The following CRISP1 variants were observed in gnomAD, a reference collection of about 807,000 sequenced individuals.
The protein encoded by CRISP1 is cysteine rich secretory protein 1.
CRISP1 carries 44 observed loss-of-function variants against 33.1 expected under a neutral mutation model. That is an observed-to-expected ratio of 1.33 (90% CI 1.05 to 1.71). The LOEUF (loss-of-function observed/expected upper bound fraction) is 1.71. CRISP1 is among the 40% of genes most tolerant of loss of function. CRISP1 has a pLI of 0.00. For synonymous variants in CRISP1, 103 were observed against 98.7 expected (o/e 1.04, Z -0.26); for missense variants, 390 against 301.2 (o/e 1.29, Z -2.18).
At chr6:49,876,356 A>C (rs1434367367) in intron 1 of CRISP1, among the ~76,000 whole-genome samples, 4 of 152,198 alleles carry the variant, frequency 2.6e-5, no homozygotes, top group Admixed American at 6.6e-5. Context: ...CACTCCAGTC[A>C]GAATGGCTAC....
At chr6:49,846,873 T>C (rs766737274) in intron 4 of CRISP1, among the ~76,000 whole-genome samples, 1 of 152,148 alleles carries the variant, frequency 6.6e-6, no homozygotes, top group Non-Finnish European at 1.5e-5. Context: ...GAAACGTTGA[T>C]AGTAGGTGAT....
intron 1 of CRISP1, among the ~76,000 whole-genome samples, chr6:49,860,102 G>A (rs1461973125): frequency 2.0e-5 from 3 of 152,008 alleles, no homozygotes; most frequent in African/African-American, 7.2e-5. Context: ...ACCCAACAAT[G>A]GAGCACCTAG....
At chr6:49,848,094 G>T in intron 4 of CRISP1, 115 bp downstream of exon 4, 1 of 577,218 alleles carries the variant, frequency 1.7e-6, no homozygotes, top group Non-Finnish European at 3.0e-6. Context: ...ATGACCCAGT[G>T]CAAATGAGGA....
chr6:49,870,147 G>A (rs1043430604), upstream of CRISP1, among the ~76,000 whole-genome samples: 1 of 152,188 alleles, frequency 6.6e-6, no homozygotes, highest in Non-Finnish European at 1.5e-5. Context: ...AAATTGCACT[G>A]TCACAAAAAC....
In CRISP1 at chr6:49,860,657, C is replaced by T. The variant is rs766893249; in HGVS notation, c.-2-3255G>A. 1.2e-4 allele frequency among the ~76,000 whole-genome samples: 18 copies of T among 152,014 alleles called. 1 individual carries two copies. In the South Asian group the frequency reaches 3.1e-3, roughly 26 times the overall value. ...CAAGTTTATACTGACAAACAACTACCTCAAACAAAAGAAAGATTTTAAATA... is the reference window on the plus strand; with the variant it reads ...CAAGTTTATACTGACAAACAACTACTTCAAACAAAAGAAAGATTTTAAATA... On this transcript the variant is annotated intron_variant, in intron 1 of 7. Transcript: ENST00000335847.
upstream of CRISP1, among the ~76,000 whole-genome samples, chr6:49,870,033 C>A (rs973450298): frequency 6.6e-6 from 1 of 152,160 alleles, no homozygotes; most frequent in Non-Finnish European, 1.5e-5. Context: ...GACTTCCCAG[C>A]CTACAGAACT....
At chr6:49,848,352 T>C in intron 3 of CRISP1, 53 bp from the exon 4 acceptor site, 1 of 1,073,092 alleles carries the variant, frequency 9.3e-7, no homozygotes, top group South Asian at 1.5e-5. Context: ...TTTCATAAGA[T>C]TCTAATTTAT....
intron 1 of CRISP1, among the ~76,000 whole-genome samples, chr6:49,874,510 G>C (rs1771991135): frequency 6.6e-6 from 1 of 151,926 alleles, no homozygotes; most frequent in Non-Finnish European, 1.5e-5. Flanking sequence ...TTAAGGGTTG[G>C]TTGACTCAGT....
At chr6:49,877,036 A>G (rs1375834278) in exon 1 of CRISP1, 2 of 152,000 alleles carry the variant, frequency 1.3e-5, no homozygotes, top group Non-Finnish European at 2.9e-5. Flanking sequence ...AAGTTAAAAT[A>G]AAAGTTGAAG....
At chr6:49,836,508 T>A (rs1228007619) in intron 7 of CRISP1, among the ~76,000 whole-genome samples, 1 of 151,576 alleles carries the variant, frequency 6.6e-6, no homozygotes, top group Non-Finnish European at 1.5e-5. Context: ...GCTAATTTTT[T>A]TTTTATTTTT....
intron 6 of CRISP1, among the ~76,000 whole-genome samples, chr6:49,839,049 G>C (rs75665622): frequency 1.3e-5 from 2 of 152,048 alleles, no homozygotes; most frequent in Non-Finnish European, 2.9e-5. Flanking sequence ...GTATATAAAA[G>C]ATGAAAGTAC....
chr6:49,870,010 C>A (rs181438119), upstream of CRISP1, among the ~76,000 whole-genome samples: 1 of 152,250 alleles, frequency 6.6e-6, no homozygotes, highest in Admixed American at 6.5e-5. Flanking sequence ...AATCTAACAG[C>A]TCTTTGATCT....
At chr6:49,851,669 C>G (rs953320135) in intron 3 of CRISP1, among the ~76,000 whole-genome samples, 1 of 152,114 alleles carries the variant, frequency 6.6e-6, no homozygotes, top group African/African-American at 2.4e-5. Context: ...GTCTCCAGGT[C>G]AGACCTCATG....
chr6:49,867,427 C>T (rs1280175450), upstream of CRISP1, among the ~76,000 whole-genome samples: 1 of 151,552 alleles, frequency 6.6e-6, no homozygotes, highest in East Asian at 1.9e-4. Flanking sequence ...AGAAAGAATA[C>T]ATTATTATTT....
At chr6:49,861,850 G>C (rs974814461) in intron 1 of CRISP1, among the ~76,000 whole-genome samples, 1 of 151,498 alleles carries the variant, frequency 6.6e-6, no homozygotes, top group Non-Finnish European at 1.5e-5. Flanking sequence ...ATGCCATTGC[G>C]CTCAAGCCTG....
At chr6:49,871,159 A>C (rs1404943301), upstream of CRISP1, among the ~76,000 whole-genome samples, 2 of 151,968 alleles carry the variant, frequency 1.3e-5, no homozygotes, top group African/African-American at 4.8e-5. Context: ...AAAGAAAAAA[A>C]TAAAAAAGTG....
At chr6:49,846,322 A>G (rs1771166204) in intron 5 of CRISP1, among the ~76,000 whole-genome samples, 198 bp downstream of exon 5, 1 of 152,174 alleles carries the variant, frequency 6.6e-6, no homozygotes, top group Non-Finnish European at 1.5e-5. Context: ...AAAGAAGGAT[A>G]CTAAGAGGTT....
intron 2 of CRISP1, among the ~76,000 whole-genome samples, chr6:49,856,457 C>T (rs1235765980): frequency 2.0e-5 from 3 of 152,120 alleles, no homozygotes; most frequent in Non-Finnish European, 2.9e-5. Context: ...CTAATTCCAG[C>T]TTACTGGAGG....
intron 1 of CRISP1, among the ~76,000 whole-genome samples, chr6:49,862,841 G>C (rs751552010): frequency 6.6e-6 from 1 of 151,880 alleles, no homozygotes; most frequent in African/African-American, 2.4e-5. Flanking sequence ...AACAAAACTG[G>C]AGGGTCATTT....
Sources: allele counts gnomAD v4.1 joint callset (sites outside exome capture counted in the v4.1 genomes callset), GRCh38; gene constraint gnomAD v4.1.1; transcripts MANE v1.5; gene names NCBI Gene and HGNC (gene_info 2026-07-23, HGNC 2026-07-21).